Variants in BICD1 observed in about 807,000 individuals in gnomAD.
The protein encoded by BICD1 is BICD cargo adaptor 1, also known as protein bicaudal D homolog 1.
In BICD1, 35 loss-of-function variants were observed where a neutral mutation model predicts 92.5. The observed-to-expected ratio is 0.38, with a 90% CI of 0.29 to 0.50. The LOEUF (loss-of-function observed/expected upper bound fraction) is 0.50, where lower values mean the gene tolerates loss of function less well. Among genes scored for constraint, BICD1 ranks in the 20% least tolerant of loss-of-function variants. The pLI, the probability that BICD1 is intolerant of heterozygous loss-of-function variation, is 0.93. For missense variants in BICD1, 950 were observed against 1,189.8 expected (o/e 0.80, Z 2.97); for synonymous variants, 429 against 465.1 (o/e 0.92, Z 1.00).
At chr12:32,120,102 CTT>C (rs1005501055) in intron 1 of BICD1, among the ~76,000 whole-genome samples, 1 of 151,934 alleles carries the variant, frequency 6.6e-6, no homozygotes, top group African/African-American at 2.4e-5. Context: ...AAAGTTCTCT[CTT>C]ATTGTGTCTA....
Position 32,382,274 on chromosome 12 carries a change from T to C in BICD1, c.*4647T>C, listed in dbSNP as rs914967940. ...GAAAGAGATATTTAGTATTAAGACA[T>C]GTTCCCCAATTGAGAATTTTCCAGA... On this transcript the variant is annotated 3_prime_UTR_variant, in exon 10 of 10. Coordinates refer to ENST00000652176, the MANE Select transcript of BICD1 (RefSeq NM_001714.4). The C allele has an allele frequency of 6.6e-6, 1 of 152,058 alleles. No individual in the cohort carries two copies. Among genetic ancestry groups the C allele is most frequent in the Non-Finnish European group, 1.5e-5 (1 of 67,942 alleles). The allele number at this position is 152,058 out of a possible 1,614,324, so 9.4% of individuals were successfully genotyped here. A position where few individuals can be genotyped will look rare whatever the true frequency, so the allele number is the denominator to read the frequency against.
intron 1 of BICD1, among the ~76,000 whole-genome samples, chr12:32,139,886 T>C (rs1942852597): frequency 6.6e-6 from 1 of 152,130 alleles, no homozygotes; most frequent in South Asian, 2.1e-4. Context: ...AAAAAAATAC[T>C]GGTAACAGAA....
intron 2 of BICD1, among the ~76,000 whole-genome samples, chr12:32,284,025 C>A (rs1947490391): frequency 6.6e-6 from 1 of 152,256 alleles, no homozygotes; most frequent in Admixed American, 6.5e-5. Context: ...TACCCCGAAA[C>A]TTTCCTTAAC....
chr12:32,253,090 C>T (rs1026324580), intron 2 of BICD1, among the ~76,000 whole-genome samples: 2 of 152,038 alleles, frequency 1.3e-5, no homozygotes, highest in African/African-American at 4.8e-5. Flanking sequence ...GCCATGTTGC[C>T]CAGGCTGGTC....
At chr12:32,294,230 AT>A in intron 3 of BICD1, 84 bp downstream of exon 3, 4 of 1,287,360 alleles carry the variant, frequency 3.1e-6, no homozygotes, top group Non-Finnish European at 4.3e-6. Flanking sequence ...ACTTGTCAGA[AT>A]TTATTGTTAC....
chr12:32,310,075 T>C (rs1471725619), intron 4 of BICD1, among the ~76,000 whole-genome samples: 1 of 152,296 alleles, frequency 6.6e-6, no homozygotes, highest in South Asian at 2.1e-4. Flanking sequence ...CAGGCAAGGC[T>C]GTAACTCCCT....
intron 1 of BICD1, among the ~76,000 whole-genome samples, chr12:32,213,772 G>A (rs1234824834): frequency 6.6e-6 from 1 of 152,168 alleles, no homozygotes; most frequent in East Asian, 1.9e-4. Context: ...TGGTCACTTA[G>A]ATAATGTGGT....
chr12:32,282,138 A>C (rs1947426034), intron 2 of BICD1, among the ~76,000 whole-genome samples: 1 of 151,606 alleles, frequency 6.6e-6, no homozygotes, highest in Admixed American at 6.6e-5. Flanking sequence ...AGGAGAAAGA[A>C]ATCCAGGCAG....
rs1238209011 is a variant in BICD1 at position 32,328,648 on chromosome 12, G to GA, written c.2100+94dup. The GA allele has an allele frequency of 6.8e-7, 1 of 1,472,508 alleles. No homozygotes were observed. The highest frequency in any genetic ancestry group is 9.1e-7 in the Non-Finnish European group (1 of 1,099,820). The allele number at this position is 1,472,508 out of a possible 1,614,324, so 91.2% of individuals were successfully genotyped here. On this transcript the variant is annotated intron_variant, in intron 5 of 9. Coordinates refer to ENST00000652176, the MANE Select transcript of BICD1 (RefSeq NM_001714.4). The surrounding 1 kb of genome is among the most constrained non-coding windows in gnomAD (Gnocchi z 4.4). ...ATTGAGTATCGAGTATCGTCAAGAT[G>GA]AGAGTTCAGATTCTTGGTAAGTGGA... is the stretch of plus-strand genomic sequence containing the variant.
rs1406650448 is a variant in BICD1 at position 32,379,258 on chromosome 12, G to A, written c.*1631G>A. The A allele has an allele frequency of 1.3e-5, 2 of 152,218 alleles. No homozygotes were observed. Among genetic ancestry groups the A allele is most frequent in the Non-Finnish European group, 2.9e-5 (2 of 68,064 alleles). The allele number at this position is 152,218 out of a possible 1,614,324, so 9.4% of individuals were successfully genotyped here. On this transcript the variant is annotated 3_prime_UTR_variant, in exon 10 of 10. Coordinates refer to ENST00000652176, the MANE Select transcript of BICD1 (RefSeq NM_001714.4). ...CACAGAAATGGAGTGGTCCATCAGA[G>A]ACCAAATGGTAAGTCGTAAAGCACA... is the stretch of plus-strand genomic sequence containing the variant.
intron 1 of BICD1, among the ~76,000 whole-genome samples, chr12:32,204,885 A>G (rs762378709): frequency 1.1e-4 from 16 of 152,160 alleles, no homozygotes; most frequent in South Asian, 2.1e-4. Flanking sequence ...TTCAGTCTCA[A>G]TGTTACCCCA....
At chr12:32,282,387 A>T (rs1947441656) in intron 2 of BICD1, among the ~76,000 whole-genome samples, 1 of 151,602 alleles carries the variant, frequency 6.6e-6, no homozygotes, top group Non-Finnish European at 1.5e-5. Flanking sequence ...CACCCAGCTA[A>T]TTTTTGTATT....
chr12:32,349,431 A>G (rs1238349104), intron 8 of BICD1, among the ~76,000 whole-genome samples: 1 of 152,184 alleles, frequency 6.6e-6, no homozygotes, highest in East Asian at 1.9e-4. Context: ...AGGTTAACCA[A>G]CTACTTCCCT....
rs139495059 is a variant in BICD1 at position 32,295,556 on chromosome 12, C to CTGATTGAT, written c.579+1423_579+1430dup. 4.5e-4 allele frequency among the ~76,000 whole-genome samples: 68 copies of CTGATTGAT among 151,148 alleles called. 1 individual carries two copies. In the South Asian group the frequency reaches 0.012, roughly 26 times the overall value. ...CCTGAGTTGGTATCTACATGATACA[C>CTGATTGAT]TGATTGATTGATTGATTGATAGATA... On this transcript the variant is annotated intron_variant, in intron 3 of 9. Coordinates refer to ENST00000652176, the MANE Select transcript of BICD1 (RefSeq NM_001714.4).
At chr12:32,122,155 C>G (rs1182982500) in intron 1 of BICD1, among the ~76,000 whole-genome samples, 2 of 151,922 alleles carry the variant, frequency 1.3e-5, no homozygotes, top group African/African-American at 4.8e-5. Flanking sequence ...GAAGTAGAAC[C>G]CTTTCTTAAG....
chr12:32,252,002 T>TAC (rs1565619119), intron 2 of BICD1, among the ~76,000 whole-genome samples: 142 of 126,414 alleles, frequency 1.1e-3, no homozygotes, highest in African/African-American at 4.0e-3. Flanking sequence ...ATATTTATAA[T>TAC]ATATATTTAT....
intron 1 of BICD1, among the ~76,000 whole-genome samples, chr12:32,116,500 C>CTATATATATATA (rs1565525044): frequency 5.4e-5 from 4 of 73,554 alleles, no homozygotes; most frequent in East Asian, 7.5e-4. Context: ...CTTTCTCTCT[C>CTATATATATATA]TCTCTCTCTC....
rs866693142 is a variant in BICD1, at chr12:32,142,422, A to C, written c.213+34878A>C. Among the ~76,000 whole-genome samples, 32 of 43,380 alleles carry C rather than the reference A, an allele frequency of 7.4e-4. 1 individual carries two copies. The Middle Eastern group carries it at 0.027, about 36-fold the overall frequency. The allele number at this position is 43,380 out of a possible 152,430, so 28.5% of individuals were successfully genotyped here. On this transcript the variant is annotated intron_variant, in intron 1 of 9. Coordinates refer to ENST00000652176, the MANE Select transcript of BICD1 (RefSeq NM_001714.4). ...ACTCTGTCTAAAAAAAAAAAAAAAA[A>C]AAAAAAAAACAAAAAACCCCACCTA...
intron 1 of BICD1, among the ~76,000 whole-genome samples, chr12:32,194,333 T>A (rs1294381097): frequency 6.6e-6 from 1 of 152,158 alleles, no homozygotes; most frequent in Non-Finnish European, 1.5e-5. Flanking sequence ...TTATACATAG[T>A]ACTAGAAGTC....
Sources: allele counts gnomAD v4.1 joint callset (sites outside exome capture counted in the v4.1 genomes callset), GRCh38; gene constraint gnomAD v4.1.1; non-coding constraint Gnocchi (gnomAD v3.1); transcripts MANE v1.5; gene names NCBI Gene and HGNC (gene_info 2026-07-23, HGNC 2026-07-21).